The following TTC6 variants were observed in gnomAD, a reference collection of about 807,000 sequenced individuals.
TTC6 encodes the protein tetratricopeptide repeat protein 6.
TTC6 carries 172 observed loss-of-function variants against 210.4 expected under a neutral mutation model. The ratio of observed to expected loss-of-function variants is 0.82; its 90% CI spans 0.72 to 0.93. The LOEUF (loss-of-function observed/expected upper bound fraction) is 0.93. Among genes scored for constraint, TTC6 ranks in the 40% least tolerant of loss-of-function variants. The pLI is 0.00. For synonymous variants in TTC6, 804 were observed against 819.6 expected (o/e 0.98, Z 0.32); for missense variants, 2,414 against 2,318.1 (o/e 1.04, Z -0.85).
intron 10 of TTC6, among the ~76,000 whole-genome samples, chr14:37,748,138 TAAG>T (rs1208857217): frequency 6.6e-6 from 1 of 152,200 alleles, no homozygotes. Flanking sequence ...TATTCTGCTC[TAAG>T]AAGAATAGAT....
At chr14:37,670,265 A>G (rs1223051499) in intron 1 of TTC6, among the ~76,000 whole-genome samples, 1 of 152,132 alleles carries the variant, frequency 6.6e-6, no homozygotes, top group Non-Finnish European at 1.5e-5. Context: ...CTGTAATTCC[A>G]TAGTTTTCAC....
intron 14 of TTC6, among the ~76,000 whole-genome samples, chr14:37,755,517 A>G (rs1474908078): frequency 1.3e-5 from 2 of 152,110 alleles, no homozygotes; most frequent in Non-Finnish European, 2.9e-5. Flanking sequence ...TTTAGGTTTT[A>G]TGTTTAAATA....
At chr14:37,610,701 T>C (rs1285619136) in intron 2 of TTC6, among the ~76,000 whole-genome samples, 1 of 152,174 alleles carries the variant, frequency 6.6e-6, no homozygotes. Flanking sequence ...ACCATCACCG[T>C]CCCACTCCCA....
chr14:37,792,278 C>A, exon 17 of TTC6: 1 of 1,512,376 alleles, frequency 6.6e-7, no homozygotes, highest in Non-Finnish European at 8.8e-7. Context: ...ATTACTTTGG[C>A]TTATGTAAAT....
intron 23 of TTC6, among the ~76,000 whole-genome samples, chr14:37,808,127 T>C (rs1475226823): frequency 1.3e-5 from 2 of 152,212 alleles, no homozygotes; most frequent in East Asian, 1.9e-4. Context: ...GATACTGCAC[T>C]GAATACTTTA....
chr14:37,767,478 T>A (rs1248800541), intron 14 of TTC6, among the ~76,000 whole-genome samples: 4 of 152,230 alleles, frequency 2.6e-5, no homozygotes, highest in Middle Eastern at 3.2e-3. Flanking sequence ...CCTGACTTTT[T>A]AATGATTGCC....
At chr14:37,638,047 C>CT (rs1409321733) in intron 1 of TTC6, among the ~76,000 whole-genome samples, 5 of 152,048 alleles carry the variant, frequency 3.3e-5, no homozygotes, top group African/African-American at 1.2e-4. Context: ...TTCCTAGTGG[C>CT]TTTTTTCATA....
At chr14:37,763,929 A>G (rs2095991476) in intron 14 of TTC6, among the ~76,000 whole-genome samples, 1 of 151,826 alleles carries the variant, frequency 6.6e-6, no homozygotes, top group South Asian at 2.1e-4. Flanking sequence ...TATTTAATGT[A>G]TGCATTTATA....
At chr14:37,701,675 A>C (rs2138682866) in intron 5 of TTC6, 149 bp downstream of exon 7, 1 of 617,992 alleles carries the variant, frequency 1.6e-6, no homozygotes, top group African/African-American at 1.9e-5. Flanking sequence ...CTGCTTCCTC[A>C]GGTATACAGT....
At chr14:37,734,516 T>C (rs2138908310) in intron 7 of TTC6, among the ~76,000 whole-genome samples, 1 of 152,312 alleles carries the variant, frequency 6.6e-6, no homozygotes, top group Non-Finnish European at 1.5e-5. Flanking sequence ...GTTAGCTCTG[T>C]GATGTTTTGA....
intron 1 of TTC6, among the ~76,000 whole-genome samples, chr14:37,629,769 GA>G (rs2076174014): frequency 6.6e-6 from 1 of 152,080 alleles, no homozygotes; most frequent in Non-Finnish European, 1.5e-5. Context: ...TTATTATTTT[GA>G]GATACGTCCC....
exon 23 of TTC6, chr14:37,807,357 G>A (rs1242342962): frequency 5.9e-6 from 9 of 1,529,724 alleles, no homozygotes; most frequent in Non-Finnish European, 7.9e-6. Context: ...GGTTTAAAAG[G>A]CAGGTATTCC....
intron 15 of TTC6, among the ~76,000 whole-genome samples, 164 bp from the exon 18 acceptor site, chr14:37,790,553 C>A (rs2096077071): frequency 6.6e-6 from 1 of 152,168 alleles, no homozygotes; most frequent in Non-Finnish European, 1.5e-5. Context: ...ATGTACAATA[C>A]TATTATTTAA....
intron 17 of TTC6, among the ~76,000 whole-genome samples, chr14:37,793,006 G>T (rs35438963): frequency 0.033 from 5,075 of 152,230 alleles, 137 homozygotes; most frequent in Non-Finnish European, 0.051. Flanking sequence ...ATTCCAGCCA[G>T]ATCTGATTTT....
chr14:37,633,898 C>T (rs1046391925), intron 1 of TTC6, among the ~76,000 whole-genome samples: 4 of 152,160 alleles, frequency 2.6e-5, no homozygotes, highest in Non-Finnish European at 5.9e-5. Context: ...CCAGTAAAGG[C>T]TGAGTGGGAA....
In TTC6 at chr14:37,806,369, T is replaced by C. The variant is rs1248133743; in HGVS notation, c.4173T>C (p.Asp1391=). The change falls in exon 22 of 31, where the codon GAT becomes GAC. Residue 1391 remains aspartate, a synonymous_variant. Transcript: ENST00000553443. ...ACAATATGCTCCTGTAGGCTTTTGA[T>C]TCTTTTACAAAAGCTGTGAAAGCAA... The C allele has an allele frequency of 4.6e-6, 7 of 1,535,122 alleles. No individual in the cohort carries two copies. In the Admixed American group the frequency reaches 5.9e-5, roughly 13 times the overall value.
chr14:37,815,440 C>T (rs968629992), intron 25 of TTC6, among the ~76,000 whole-genome samples: 3 of 152,178 alleles, frequency 2.0e-5, no homozygotes, highest in African/African-American at 7.2e-5. Flanking sequence ...TAGATCCTCA[C>T]ATGCACAGTT....
At chr14:37,730,568 T>C (rs184738676) in intron 7 of TTC6, among the ~76,000 whole-genome samples, 2 of 152,360 alleles carry the variant, frequency 1.3e-5, no homozygotes, top group African/African-American at 4.8e-5. Context: ...CTTTCCACAA[T>C]TTCTTCTGTC....
chr14:37,838,509 T>C (rs1268108518), intron 29 of TTC6, among the ~76,000 whole-genome samples: 2 of 152,198 alleles, frequency 1.3e-5, no homozygotes, highest in Non-Finnish European at 2.9e-5. Flanking sequence ...CTTTGGTCTT[T>C]TCAACAAGCT....
Sources: gnomAD v4.1 joint callset for allele counts (sites outside exome capture counted in the v4.1 genomes callset) on GRCh38, gnomAD v4.1.1 for gene constraint, MANE v1.5 for transcripts, NCBI Gene and HGNC (gene_info 2026-07-23, HGNC 2026-07-21) for gene names.